The following OR2L13 variants were observed in gnomAD, a reference collection of about 807,000 sequenced individuals.
The protein encoded by OR2L13 is olfactory receptor 2L13.
OR2L13 carries 14 observed loss-of-function variants against 15.3 expected under a neutral mutation model. The ratio of observed to expected loss-of-function variants is 0.91; its 90% CI spans 0.60 to 1.43. The LOEUF is 1.43. Ranked by LOEUF, OR2L13 falls within the 40% of genes most tolerant of loss-of-function variation. The pLI is 0.00. For synonymous variants in OR2L13, 152 were observed against 142.9 expected, an observed-to-expected ratio of 1.06 and a Z score of -0.45; for missense variants, 367 against 387.9, an observed-to-expected ratio of 0.95 and a Z score of 0.45.
At chr1:248,052,661 G>T in the OR2L13 span, among the ~76,000 whole-genome samples, 1 of 152,080 alleles carries the variant, frequency 6.6e-6, no homozygotes, top group African/African-American at 2.4e-5. Context: ...AATCTGGGAG[G>T]TGGAGCTTGT....
chr1:247,971,633 C>T, the OR2L13 span, among the ~76,000 whole-genome samples: 1 of 152,216 alleles, frequency 6.6e-6, no homozygotes, highest in Non-Finnish European at 1.5e-5. Flanking sequence ...CAGTTTTCTG[C>T]ATATGGCTAG....
chr1:248,081,514 A>T, the OR2L13 span, among the ~76,000 whole-genome samples: 1 of 152,170 alleles, frequency 6.6e-6, no homozygotes. Flanking sequence ...ATGTTTTAAA[A>T]TAATTTCTCT....
chr1:247,966,278 T>C, the OR2L13 span: 5 of 1,613,596 alleles, frequency 3.1e-6, no homozygotes, highest in Admixed American at 8.3e-5. Flanking sequence ...ACGGGGGCAG[T>C]GAGGAGACTG....
chr1:248,076,239 G>GTAGCTTTGTAGCTTT, the OR2L13 span, among the ~76,000 whole-genome samples: 931 of 152,278 alleles, frequency 6.1e-3, 14 homozygotes, highest in African/African-American at 0.022. Context: ...GTGCTGCTTT[G>GTAGCTTTGTAGCTTT]GTTACTGTAG....
chr1:247,968,652 T>C, the OR2L13 span, among the ~76,000 whole-genome samples: 2 of 152,284 alleles, frequency 1.3e-5, no homozygotes, highest in Admixed American at 6.5e-5. Context: ...GCTCCATCCA[T>C]GTCCCTGCAA....
chr1:248,072,539 G>C, the OR2L13 span, among the ~76,000 whole-genome samples: 5 of 152,152 alleles, frequency 3.3e-5, no homozygotes, highest in East Asian at 9.7e-4. Flanking sequence ...AGAAAACCTA[G>C]GCATTACCAT....
the OR2L13 span, among the ~76,000 whole-genome samples, chr1:248,000,919 C>T: frequency 0.056 from 8,524 of 151,804 alleles, 723 homozygotes; most frequent in African/African-American, 0.19. Context: ...GAGTTTTTGA[C>T]TTAATAAATT....
At chr1:248,015,978 C>T in the OR2L13 span, among the ~76,000 whole-genome samples, 2 of 152,146 alleles carry the variant, frequency 1.3e-5, no homozygotes, top group African/African-American at 4.8e-5. Flanking sequence ...CTCCTTGGTT[C>T]CCAACTCTAT....
the OR2L13 span, among the ~76,000 whole-genome samples, chr1:248,043,340 A>G: frequency 6.6e-6 from 1 of 152,128 alleles, no homozygotes; most frequent in South Asian, 2.1e-4. Flanking sequence ...AAAGGATGGT[A>G]AGTAAATTCT....
At chr1:248,071,663 A>G in the OR2L13 span, among the ~76,000 whole-genome samples, 1 of 151,796 alleles carries the variant, frequency 6.6e-6, no homozygotes, top group Admixed American at 6.6e-5. Flanking sequence ...AGGGTATTCA[A>G]TTAGGAAAAG....
the OR2L13 span, among the ~76,000 whole-genome samples, chr1:248,005,943 G>A: frequency 6.6e-6 from 1 of 152,092 alleles, no homozygotes; most frequent in African/African-American, 2.4e-5. Context: ...ATTTTTATTT[G>A]GTGATGATTT....
At chr1:248,084,006 A>G in the OR2L13 span, 227 of 1,524,450 alleles carry the variant, frequency 1.5e-4, no homozygotes, top group Middle Eastern at 3.9e-3. Context: ...GCAGATGTAC[A>G]TGGCGTTTTC....
At chr1:248,004,246 C>A in the OR2L13 span, among the ~76,000 whole-genome samples, 18 of 151,118 alleles carry the variant, frequency 1.2e-4, no homozygotes, top group Admixed American at 1.2e-3. Flanking sequence ...TTCTAAACAA[C>A]CTTTTTCTTC....
At chr1:247,956,898 A>T in the OR2L13 span, among the ~76,000 whole-genome samples, 1 of 152,148 alleles carries the variant, frequency 6.6e-6, no homozygotes, top group Admixed American at 6.6e-5. Flanking sequence ...AAACAGGGAC[A>T]ATTTGACTTC....
chr1:248,012,736 C>T, the OR2L13 span, among the ~76,000 whole-genome samples: 1 of 151,998 alleles, frequency 6.6e-6, no homozygotes, highest in Non-Finnish European at 1.5e-5. Flanking sequence ...CATTATGTAA[C>T]ATATACTTAA....
the OR2L13 span, among the ~76,000 whole-genome samples, chr1:247,941,470 A>G: frequency 6.6e-6 from 1 of 152,322 alleles, no homozygotes; most frequent in South Asian, 2.1e-4. Flanking sequence ...TTACATGGTC[A>G]TTGTAAAGGA....
the OR2L13 span, among the ~76,000 whole-genome samples, chr1:247,963,954 C>T: frequency 7.9e-5 from 12 of 152,202 alleles, no homozygotes; most frequent in Non-Finnish European, 1.5e-5. Context: ...AATTGAACAC[C>T]TGTGTGACCA....
the OR2L13 span, among the ~76,000 whole-genome samples, chr1:247,951,200 T>G: frequency 6.6e-6 from 1 of 152,208 alleles, no homozygotes; most frequent in African/African-American, 2.4e-5. Context: ...CTTTGTAGTA[T>G]AGTTTGAAGT....
the OR2L13 span, among the ~76,000 whole-genome samples, chr1:248,064,647 G>C: frequency 1.3e-5 from 2 of 152,174 alleles, no homozygotes; most frequent in East Asian, 3.9e-4. Flanking sequence ...GGAATCAGGA[G>C]ACCTAGCTGT....
Sources: allele counts gnomAD v4.1 joint callset (sites outside exome capture counted in the v4.1 genomes callset), GRCh38; gene constraint gnomAD v4.1.1; transcripts MANE v1.5; gene names NCBI Gene and HGNC (gene_info 2026-07-23, HGNC 2026-07-21).